GALM: variants seen among roughly 807,000 people sequenced by gnomAD.
The protein encoded by GALM is aldose 1-epimerase.
Under a neutral mutation model 37.4 loss-of-function variants are expected in GALM, and 43 were observed. That is an observed-to-expected ratio of 1.15 (90% CI 0.90 to 1.48). GALM has a LOEUF of 1.48. GALM is among the 40% of genes most tolerant of loss of function. The pLI is 0.00. For synonymous variants in GALM, 199 were observed against 170.6 expected, an observed-to-expected ratio of 1.17 and a Z score of -1.30; for missense variants, 456 against 419.1, an observed-to-expected ratio of 1.09 and a Z score of -0.77.
At chr2:38,669,742 GCATGCCTGTAAT>G (rs2148422817) in intron 1 of GALM, among the ~76,000 whole-genome samples, 1 of 151,996 alleles carries the variant, frequency 6.6e-6, no homozygotes, top group African/African-American at 2.4e-5. Context: ...GCATGGTGGC[GCATGCCTGTAAT>G]CCCAGCTATT....
Position 38,666,310 on chromosome 2 carries a change from G to A in GALM, c.149G>A (p.Gly50Glu). The change falls in exon 1 of 7, where the codon GGG becomes GAG. Residue 50 changes from glycine to glutamate, a missense_variant. Gly to Glu is a moderately conservative substitution (Grantham distance 98). Transcript: ENST00000272252. ...ITALEVKDRQ[G>E]RASDVVLGFA... is the part of the protein sequence containing the mutation. ...GCCCTAGAGGTCAAAGACAGGCAGGGGAGAGCCTCGGACGTGGTGCTTGGC... is the reference window on the plus strand; with the variant it reads ...GCCCTAGAGGTCAAAGACAGGCAGGAGAGAGCCTCGGACGTGGTGCTTGGC... 5.0e-6 allele frequency: 8 copies of A among 1,613,714 alleles called. No homozygotes were observed. The highest frequency in any genetic ancestry group is 6.8e-6 in the Non-Finnish European group (8 of 1,179,816).
chr2:38,708,216 C>T (rs1346802441), intron 4 of GALM, among the ~76,000 whole-genome samples: 1 of 151,946 alleles, frequency 6.6e-6, no homozygotes, highest in African/African-American at 2.4e-5. Context: ...AAGAGTATCT[C>T]TTGAGCCCAG....
chr2:38,671,670 C>T (rs1463620293), intron 1 of GALM, among the ~76,000 whole-genome samples: 2 of 152,158 alleles, frequency 1.3e-5, no homozygotes, highest in Non-Finnish European at 2.9e-5. Flanking sequence ...TTTTCAGAGA[C>T]AGGATTTCTG....
At chr2:38,721,635 T>A (rs1460253447) in intron 4 of GALM, among the ~76,000 whole-genome samples, 1 of 152,126 alleles carries the variant, frequency 6.6e-6, no homozygotes, top group Admixed American at 6.5e-5. Flanking sequence ...CACCTCAGCC[T>A]CCCTAGTAGC....
chr2:38,728,792 A>C (rs1028393280), intron 4 of GALM, among the ~76,000 whole-genome samples: 6 of 152,202 alleles, frequency 3.9e-5, no homozygotes, highest in African/African-American at 1.4e-4. Flanking sequence ...GGCTGGAGTG[A>C]TTTGGCCTGC....
intron 4 of GALM, among the ~76,000 whole-genome samples, chr2:38,721,691 T>A (rs1039849125): frequency 2.0e-5 from 3 of 152,016 alleles, no homozygotes; most frequent in Non-Finnish European, 2.9e-5. Context: ...AATTTTTTAA[T>A]TTTTTGTAGA....
rs1325084013 is a variant in GALM, at chr2:38,676,182, C to T, written c.345+116C>T. ...TGAGTGGTGAGATGCAGGAAAGAGG[C>T]CCCTTCCATGGTTCAGGGCAGCAGG... On this transcript the variant is annotated intron_variant, in intron 2 of 6. Transcript: ENST00000272252. 11 of 1,021,246 alleles carry T rather than the reference C, an allele frequency of 1.1e-5. No homozygotes were observed. In the East Asian group the frequency reaches 2.2e-4, roughly 20 times the overall value. The allele number at this position is 1,021,246 out of a possible 1,614,324, so 63.3% of individuals were successfully genotyped here.
At chr2:38,707,971 G>C (rs1486672988) in intron 4 of GALM, among the ~76,000 whole-genome samples, 1 of 152,052 alleles carries the variant, frequency 6.6e-6, no homozygotes, top group Non-Finnish European at 1.5e-5. Context: ...GCGAGGCGTG[G>C]TAGCACACAC....
chr2:38,666,370 TG>T lies in GALM; in HGVS notation c.190+22del. On this transcript the variant is annotated intron_variant, in intron 1 of 6. Coordinates refer to ENST00000272252, the MANE Select transcript of GALM (RefSeq NM_138801.3). ...TTGGAAGGTGGGTTGAACTGTGCCC[TG>T]GGCTGCGAGCAGGCCCCAGGCCCAC... 6.3e-7 allele frequency: 1 copy of T among 1,588,908 alleles called. No individual in the cohort carries two copies. Among genetic ancestry groups the T allele is most frequent in the African/African-American group, 1.3e-5 (1 of 74,388 alleles).
chr2:38,733,543 G>A lies in GALM; in HGVS notation c.1007G>A (p.Trp336Ter), dbSNP rs1666648999. The A allele has an allele frequency of 6.2e-7, 1 of 1,613,928 alleles. No homozygotes were observed. The highest frequency in any genetic ancestry group is 8.5e-7 in the Non-Finnish European group (1 of 1,179,858). The change falls in exon 7 of 7, where the codon TGG becomes TAG. Residue 336 changes from tryptophan to a stop codon, truncating the protein, a stop_gained. Coordinates refer to ENST00000272252, the MANE Select transcript of GALM (RefSeq NM_138801.3). LOFTEE classifies it high-confidence loss of function. The part of the protein sequence containing the change: ...RPGEEYDHTT[W>*]FKFSVA ...GGTGAGGAGTATGACCACACCACCT[G>A]GTTCAAGTTTTCTGTGGCTTAAGGA...
chr2:38,683,427 G>A (rs1317732676), intron 3 of GALM, among the ~76,000 whole-genome samples: 3 of 152,080 alleles, frequency 2.0e-5, no homozygotes, highest in Non-Finnish European at 4.4e-5. Context: ...TCAGATTTTG[G>A]AATATTTGCG....
intron 4 of GALM, among the ~76,000 whole-genome samples, chr2:38,698,175 C>T (rs1665848855): frequency 6.6e-6 from 1 of 152,046 alleles, no homozygotes; most frequent in South Asian, 2.1e-4. Context: ...AACTCCTGAC[C>T]TCAAGTGATC....
chr2:38,683,996 GTGGA>G (rs548864138), intron 3 of GALM, among the ~76,000 whole-genome samples: 164 of 152,318 alleles, frequency 1.1e-3, no homozygotes, highest in Non-Finnish European at 1.9e-3. Flanking sequence ...TCCGGTAGGA[GTGGA>G]TGATCACCAA....
At chr2:38,673,839 A>G (rs1406599668) in intron 1 of GALM, among the ~76,000 whole-genome samples, 1 of 151,996 alleles carries the variant, frequency 6.6e-6, no homozygotes, top group Admixed American at 6.6e-5. Flanking sequence ...ACTCAAAAAA[A>G]AATAAAAAGG....
intron 2 of GALM, among the ~76,000 whole-genome samples, chr2:38,679,589 A>T: frequency 6.6e-6 from 1 of 152,328 alleles, no homozygotes; most frequent in South Asian, 2.1e-4. Context: ...TTGAGCACTC[A>T]ACAAGTTGGA....
intron 4 of GALM, among the ~76,000 whole-genome samples, chr2:38,708,572 T>C (rs1260318811): frequency 6.6e-6 from 1 of 151,950 alleles, no homozygotes; most frequent in African/African-American, 2.4e-5. Context: ...AAACCCCACC[T>C]CTACTAAAAA....
chr2:38,680,122 G>T (rs909252592), intron 2 of GALM: 2 of 447,120 alleles, frequency 4.5e-6, no homozygotes, highest in Non-Finnish European at 4.5e-6. Flanking sequence ...GGGCTCAAGC[G>T]ATCCTCCCTT....
chr2:38,727,860 C>G (rs1225386984), intron 4 of GALM, among the ~76,000 whole-genome samples: 1 of 152,062 alleles, frequency 6.6e-6, no homozygotes, highest in East Asian at 1.9e-4. Flanking sequence ...ATTGGTTCTT[C>G]TTTTACTTTT....
chr2:38,682,802 A>G (rs147829516), intron 3 of GALM, among the ~76,000 whole-genome samples: 2,709 of 152,176 alleles, frequency 0.018, 87 homozygotes, highest in African/African-American at 0.06. Flanking sequence ...AGGCTGAGAC[A>G]GGAGAATCAC....
Sources: gnomAD v4.1 joint callset for allele counts (sites outside exome capture counted in the v4.1 genomes callset) on GRCh38, gnomAD v4.1.1 for gene constraint, MANE v1.5 for transcripts, NCBI Gene and HGNC (gene_info 2026-07-23, HGNC 2026-07-21) for gene names.